AARS1: variants seen among roughly 807,000 people sequenced by gnomAD.
AARS1 encodes the protein alanyl-tRNA synthetase 1.
A neutral mutation model predicts 108.9 loss-of-function variants in AARS1; 72 were observed. The observed-to-expected ratio is 0.66, with a 90% CI of 0.55 to 0.80. The LOEUF is 0.80. Among genes scored for constraint, AARS1 ranks in the 30% least tolerant of loss-of-function variants. The pLI is 0.00. For missense variants in AARS1, 1,193 were observed against 1,233.2 expected, an observed-to-expected ratio of 0.97 and a Z score of 0.49; for synonymous variants, 489 against 465.7, an observed-to-expected ratio of 1.05 and a Z score of -0.64.
intron 4 of AARS1, among the ~76,000 whole-genome samples, chr16:70,273,556 A>G (rs1243664650): frequency 2.0e-5 from 3 of 152,114 alleles, no homozygotes; most frequent in Non-Finnish European, 2.9e-5. Flanking sequence ...TGTCCCTACA[A>G]AAAATACAAA....
In AARS1 at chr16:70,252,325, C is replaced by T. The variant is rs114213309; in HGVS notation, c.*396G>A. On this transcript the variant is annotated 3_prime_UTR_variant, in exon 21 of 21. Transcript: ENST00000261772. ...GGAGCCACAGCATTTATTCTACAGA[C>T]GCCAAAGGCTGTCAAAAGAGCCAGC... 5 of 339,948 alleles carry T rather than the reference C, an allele frequency of 1.5e-5. No individual in the cohort carries two copies. Among genetic ancestry groups the T allele is most frequent in the Non-Finnish European group, 2.2e-5 (4 of 182,588 alleles). 21.1% of individuals were successfully genotyped at this position (339,948 alleles called of 1,614,324 possible).
chr16:70,283,025 A>G (rs1225239954), intron 1 of AARS1, among the ~76,000 whole-genome samples: 2 of 152,116 alleles, frequency 1.3e-5, no homozygotes, highest in African/African-American at 4.8e-5. Flanking sequence ...CACCAAGCAC[A>G]CTGCTGCTGG....
chr16:70,284,810 T>A (rs1465109649), intron 1 of AARS1, among the ~76,000 whole-genome samples: 1 of 152,152 alleles, frequency 6.6e-6, no homozygotes, highest in Non-Finnish European at 1.5e-5. Context: ...GACCCAACCG[T>A]AACCTTAATT....
rs754043981 is a variant in AARS1, at chr16:70,271,781, C to T, written c.671G>A (p.Arg224Lys). ...GAATGGAGTAGGAACCCAAGGCTAC[C>T]TGTTATACTGGATGAACACAAGGTT... ...IWNLVFIQYN[R>K]EADGILKPLP... Residue 224 changes from arginine to lysine, a missense_variant and splice_region_variant, in exon 5 of 21, where the codon AGG (arginine) becomes AAG (lysine). Physicochemically the swap from Arg to Lys is conservative, Grantham distance 26. Transcript: ENST00000261772. The T allele has an allele frequency of 6.2e-7, 1 of 1,613,892 alleles. No homozygotes were observed. The highest frequency in any genetic ancestry group is 8.5e-7 in the Non-Finnish European group (1 of 1,179,848).
rs1160807463 is a variant in AARS1 at position 70,252,899 on chromosome 16, G to T, written c.2729C>A (p.Ala910Asp). Residue 910 changes from alanine to aspartate, a missense_variant, in exon 21 of 21, where the codon GCC becomes GAC. Physicochemically the swap from Ala to Asp is moderately radical, Grantham distance 126. Coordinates refer to ENST00000261772, the MANE Select transcript of AARS1 (RefSeq NM_001605.3). ...CTCGCTGGCTTTTAAGCCCCGATTG[G>T]CTGCATTCTAGAAGACAGGAAGGGA... is the stretch of plus-strand genomic sequence containing the variant. ...TCLCQVPQNA[A>D]NRGLKASEWV... is the part of the protein sequence containing the mutation. 1 of 1,614,082 alleles carries T rather than the reference G, an allele frequency of 6.2e-7. No individual in the cohort carries two copies. The highest frequency in any genetic ancestry group is 1.3e-5 in the African/African-American group (1 of 74,950).
chr16:70,266,820 C>T (rs114598544), intron 9 of AARS1, among the ~76,000 whole-genome samples: 1 of 151,542 alleles, frequency 6.6e-6, no homozygotes, highest in Non-Finnish European at 1.5e-5. Context: ...CTGTGCCCAG[C>T]CTTACACATC....
chr16:70,264,976 C>T lies in AARS1; in HGVS notation c.1474G>A (p.Asp492Asn), dbSNP rs1419834352. The T allele has an allele frequency of 6.2e-7, 1 of 1,614,098 alleles. No homozygotes were observed. The change falls in exon 11 of 21, where the codon GAC (aspartate) becomes AAC (asparagine). Residue 492 changes from aspartate (D) to asparagine (N), a missense_variant. By Grantham distance (23) the Asp-to-Asn change is conservative (BLOSUM62 1). Transcript: ENST00000261772. ...AACATACCATAGCTACCACTGGAGT[C>T]CAAATGGTAATTGTACTTTGGGGAA... ...DDSPKYNYHLDSSGSYVFENT... is the reference protein window; with the variant it reads ...DDSPKYNYHLNSSGSYVFENT...
At position 70,258,125 on chromosome 16, in the gene AARS1, T is replaced by C. The variant is rs1432501076; in HGVS notation, c.2085A>G (p.Arg695=). The change falls in exon 15 of 21, where the codon CGA becomes CGG. Residue 695 remains arginine, a synonymous_variant. Coordinates refer to ENST00000261772, the MANE Select transcript of AARS1 (RefSeq NM_001605.3). ...VFDETYPDPV[R]VVSIGVPVSE... ...ACACCGGGACCCCAATGGAGACGACTCGCACAGGGTCAGGATAGGTCTCAT... is the reference window on the plus strand; with the variant it reads ...ACACCGGGACCCCAATGGAGACGACCCGCACAGGGTCAGGATAGGTCTCAT... 6.2e-7 allele frequency: 1 copy of C among 1,613,466 alleles called. No homozygotes were observed. Among genetic ancestry groups the C allele is most frequent in the East Asian group, 2.2e-5 (1 of 44,866 alleles).
chr16:70,288,054 C>G (rs533315469), intron 1 of AARS1, among the ~76,000 whole-genome samples: 25 of 151,374 alleles, frequency 1.7e-4, no homozygotes, highest in Middle Eastern at 3.5e-3. Context: ...GGTGAGCTAC[C>G]GCGCCCGGCC....
intron 5 of AARS1, 143 bp from the exon 6 acceptor site, chr16:70,270,483 T>C: frequency 1.0e-6 from 1 of 990,714 alleles, no homozygotes; most frequent in Non-Finnish European, 1.6e-6. Flanking sequence ...AAGAGGGAAG[T>C]GGAGGGAGAA....
chr16:70,278,431 GGTGCACGCCT>G (rs1303460081), intron 2 of AARS1, among the ~76,000 whole-genome samples: 2 of 151,706 alleles, frequency 1.3e-5, no homozygotes, highest in Non-Finnish European at 2.9e-5. Flanking sequence ...CAGCCATGGT[GGTGCACGCCT>G]GTAATTCCAG....
chr16:70,275,581 T>C (rs1397507576), intron 4 of AARS1, among the ~76,000 whole-genome samples: 1 of 151,760 alleles, frequency 6.6e-6, no homozygotes, highest in Non-Finnish European at 1.5e-5. Flanking sequence ...GCTAACACGG[T>C]GAAACCCCGT....
In AARS1 at chr16:70,288,565, C is replaced by CTT. The variant is rs35168298; in HGVS notation, c.-22+854_-22+855dup. On this transcript the variant is annotated intron_variant, in intron 1 of 20. Transcript: ENST00000261772. The stretch of plus-strand genomic sequence containing the variant: ...CCAGCAGCAACGACTGTTCTGGGCT[C>CTT]TTTTTTTTTTTTTTTTTTTGAAACG... 5.0e-4 allele frequency among the ~76,000 whole-genome samples: 51 copies of CTT among 102,948 alleles called. 1 individual carries two copies. Among genetic ancestry groups the CTT allele is most frequent in the African/African-American group, 1.6e-3 (48 of 30,274 alleles). 67.5% of individuals were successfully genotyped at this position (102,948 alleles called of 152,430 possible).
intron 17 of AARS1, 185 bp downstream of exon 17, chr16:70,254,436 G>C (rs1198757696): frequency 2.2e-5 from 14 of 636,542 alleles, no homozygotes; most frequent in Non-Finnish European, 3.7e-5. Context: ...GAGCAGCAGG[G>C]AATGTCCAGG....
chr16:70,259,150 T>A lies in AARS1; in HGVS notation c.1822A>T (p.Thr608Ser), dbSNP rs1441771832. The A allele has an allele frequency of 6.2e-7, 1 of 1,614,166 alleles. No homozygotes were observed. The highest frequency in any genetic ancestry group is 8.5e-7 in the Non-Finnish European group (1 of 1,180,020). ...RRPIMSNHTA[T>S]HILNFALRSV... ...CGCAGGGCGAAGTTCAGAATGTGCG[T>A]AGCTGTGTGGTTGCTCATGATGGGT... Residue 608 changes from threonine to serine, a missense_variant, in exon 14 of 21, where the codon ACG becomes TCG. By Grantham distance (58) the Thr-to-Ser change is moderately conservative. Coordinates refer to ENST00000261772, the MANE Select transcript of AARS1 (RefSeq NM_001605.3).
intron 3 of AARS1, 125 bp from the exon 4 acceptor site, chr16:70,276,756 T>C: frequency 1.6e-6 from 2 of 1,252,490 alleles, no homozygotes; most frequent in Non-Finnish European, 2.3e-6. Context: ...AAATTCAAGA[T>C]CAGTTTATGT....
intron 11 of AARS1, 53 bp downstream of exon 11, chr16:70,264,904 AC>A (rs750013388): frequency 3.1e-6 from 5 of 1,608,162 alleles, no homozygotes; most frequent in Non-Finnish European, 4.3e-6. Context: ...TCTTTCAAAT[AC>A]CCCCCAGATA....
rs1163404512 is a variant in AARS1, at chr16:70,252,598, T to A, written c.*123A>T. The A allele has an allele frequency of 7.3e-6, 8 of 1,092,096 alleles. No individual in the cohort carries two copies. The highest frequency in any genetic ancestry group is 6.9e-6 in the Non-Finnish European group (5 of 729,648). 67.7% of individuals were successfully genotyped at this position (1,092,096 alleles called of 1,614,324 possible). On this transcript the variant is annotated 3_prime_UTR_variant, in exon 21 of 21. Coordinates refer to ENST00000261772, the MANE Select transcript of AARS1 (RefSeq NM_001605.3). ...TGAGACATAGGACTGCTCCCAAGTGTGTTCCAGTTACTGCTGGGTTAGGAG... is the reference window on the plus strand; with the variant it reads ...TGAGACATAGGACTGCTCCCAAGTGAGTTCCAGTTACTGCTGGGTTAGGAG...
chr16:70,262,200 G>T, intron 12 of AARS1, 146 bp downstream of exon 12: 1 of 991,500 alleles, frequency 1.0e-6, no homozygotes, highest in Non-Finnish European at 1.6e-6. Context: ...ACAAGCAACA[G>T]CTCCCTCGGC....
Sources: gnomAD v4.1 joint callset for allele counts (sites outside exome capture counted in the v4.1 genomes callset) on GRCh38, gnomAD v4.1.1 for gene constraint, MANE v1.5 for transcripts, NCBI Gene and HGNC (gene_info 2026-07-23, HGNC 2026-07-21) for gene names.